DNER: variants seen among roughly 807,000 people sequenced by gnomAD.
DNER encodes the protein delta and Notch-like epidermal growth factor-related receptor.
In DNER, 33 loss-of-function variants were observed where a neutral mutation model predicts 78.2. The observed-to-expected ratio is 0.42, with a 90% CI of 0.32 to 0.56. The LOEUF is 0.56. DNER is among the 20% of genes least tolerant of loss of function. The probability of loss-of-function intolerance (pLI) is 0.11; values close to 1 mark genes in which losing one functional copy is unlikely to be tolerated. For synonymous variants in DNER, 417 were observed against 384.8 expected, an observed-to-expected ratio of 1.08 and a Z score of -0.98; for missense variants, 918 against 975.3, an observed-to-expected ratio of 0.94 and a Z score of 0.78.
At position 229,515,639 on chromosome 2, in the gene DNER, A is replaced by ATTT. The variant is rs1162899815; in HGVS notation, c.994-2706_994-2704dup. ...AATCAAATATCTTCAAGTTAGCTTT[A>ATTT]TTTTTTTATTTTTTTTTTTTTGAGA... On this transcript the variant is annotated intron_variant, in intron 5 of 12. Transcript: ENST00000341772. Among the ~76,000 whole-genome samples, 21 of 71,574 alleles carry ATTT rather than the reference A, an allele frequency of 2.9e-4. 1 individual carries two copies. Among genetic ancestry groups the ATTT allele is most frequent in the African/African-American group, 8.8e-4 (21 of 23,928 alleles). 47.0% of individuals were successfully genotyped at this position (71,574 alleles called of 152,430 possible). A position where few individuals can be genotyped will look rare whatever the true frequency, so the allele number is the denominator to read the frequency against.
At chr2:229,586,066 A>G (rs1281604147) in intron 3 of DNER, 42 bp from the exon 4 acceptor site, 3 of 1,566,396 alleles carry the variant, frequency 1.9e-6, no homozygotes, top group Non-Finnish European at 2.6e-6. Flanking sequence ...CCTTTCAGAA[A>G]AATTCATCTT....
At chr2:229,686,780 C>T (rs1052627831) in intron 1 of DNER, among the ~76,000 whole-genome samples, 4 of 152,180 alleles carry the variant, frequency 2.6e-5, no homozygotes, top group Admixed American at 2.6e-4. Context: ...TCCTTAAAAC[C>T]GTAAGCCAAA....
intron 10 of DNER, among the ~76,000 whole-genome samples, chr2:229,395,343 A>G (rs1693112294): frequency 6.6e-6 from 1 of 152,190 alleles, no homozygotes; most frequent in Non-Finnish European, 1.5e-5. Flanking sequence ...ATGCCCTACT[A>G]TGGGATAAAA....
At chr2:229,380,084 A>G (rs1692701199) in intron 11 of DNER, among the ~76,000 whole-genome samples, 1 of 152,156 alleles carries the variant, frequency 6.6e-6, no homozygotes, top group African/African-American at 2.4e-5. Context: ...GCTAAATCAT[A>G]TCCTCAGCCT....
rs537760450 is a variant in DNER at position 229,380,139 on chromosome 2, G to A, written c.1855+8126C>T. On this transcript the variant is annotated intron_variant, in intron 11 of 12. Transcript: ENST00000341772. ...TGACGTTGGAGAATGTGGTCAAGTT[G>A]GTCAAGTTGATGTCAGAGAATGTGG... Among the ~76,000 whole-genome samples, 61 of 152,250 alleles carry A rather than the reference G, an allele frequency of 4.0e-4. 1 individual carries two copies. In the South Asian group the frequency reaches 8.7e-3, roughly 22 times the overall value.
chr2:229,710,654 C>T (rs1168432552), intron 1 of DNER, among the ~76,000 whole-genome samples: 4 of 152,046 alleles, frequency 2.6e-5, no homozygotes, highest in African/African-American at 9.7e-5. Flanking sequence ...CTGAATTTCT[C>T]ATGATTTAAG....
chr2:229,477,167 T>G lies in DNER; in HGVS notation c.1234A>C (p.Ser412Arg). The G allele has an allele frequency of 6.2e-7, 1 of 1,614,012 alleles. No homozygotes were observed. The highest frequency in any genetic ancestry group is 8.5e-7 in the Non-Finnish European group (1 of 1,179,940). The change falls in exon 7 of 13, where the codon AGT (serine) becomes CGT (arginine). Residue 412 changes from serine (S) to arginine (R), a missense_variant. Physicochemically the swap from Ser to Arg is moderately radical, Grantham distance 110. Transcript: ENST00000341772. ...RNGATCISSLSGFTCQCPEGY... is the reference protein window; with the variant it reads ...RNGATCISSLRGFTCQCPEGY... ...TCTGGACACTGGCAGGTGAATCCAC[T>G]GAGACTGGAAATGCATGTTGCTCCA...
At chr2:229,634,163 G>A (rs1011231525) in intron 1 of DNER, among the ~76,000 whole-genome samples, 3 of 152,200 alleles carry the variant, frequency 2.0e-5, no homozygotes, top group Non-Finnish European at 4.4e-5. Context: ...GACCATGGTT[G>A]TAACTTTCGT....
intron 11 of DNER, among the ~76,000 whole-genome samples, chr2:229,380,544 G>C (rs57323922): frequency 6.6e-6 from 1 of 152,122 alleles, no homozygotes; most frequent in Non-Finnish European, 1.5e-5. Flanking sequence ...AGCTCTCTTC[G>C]GCTATGAAAG....
At chr2:229,361,129 T>C (rs1189598994) in intron 12 of DNER, among the ~76,000 whole-genome samples, 1 of 152,196 alleles carries the variant, frequency 6.6e-6, no homozygotes, top group East Asian at 1.9e-4. Context: ...AAAGACTTTG[T>C]TTGAATCTCC....
intron 8 of DNER, among the ~76,000 whole-genome samples, chr2:229,437,799 A>G (rs1371594058): frequency 6.6e-6 from 1 of 152,240 alleles, no homozygotes; most frequent in East Asian, 1.9e-4. Context: ...CTATAATGTC[A>G]CCAGAGCCAG....
intron 7 of DNER, among the ~76,000 whole-genome samples, chr2:229,473,873 G>A (rs1694979935): frequency 6.6e-6 from 1 of 152,170 alleles, no homozygotes; most frequent in Non-Finnish European, 1.5e-5. Flanking sequence ...CATGTCTGAT[G>A]TGAGAAACAT....
chr2:229,667,159 T>C (rs1699106141), intron 1 of DNER, among the ~76,000 whole-genome samples: 1 of 152,226 alleles, frequency 6.6e-6, no homozygotes, highest in African/African-American at 2.4e-5. Context: ...CATCCGCCTC[T>C]GTCCCATATG....
At chr2:229,486,441 C>A (rs1274671856) in intron 6 of DNER, among the ~76,000 whole-genome samples, 1 of 151,614 alleles carries the variant, frequency 6.6e-6, no homozygotes, top group Admixed American at 6.6e-5. Context: ...AAAAAAGTAA[C>A]CACATCTAAC....
intron 4 of DNER, among the ~76,000 whole-genome samples, chr2:229,551,716 G>A (rs573126099): frequency 3.3e-5 from 5 of 151,914 alleles, no homozygotes; most frequent in Admixed American, 6.6e-5. Context: ...GGCAGATCAC[G>A]AGGTCAGGAG....
chr2:229,472,044 T>C (rs1041972179), intron 7 of DNER, among the ~76,000 whole-genome samples: 9 of 152,212 alleles, frequency 5.9e-5, no homozygotes, highest in African/African-American at 2.2e-4. Flanking sequence ...AAATCCAACA[T>C]TGCATTCTAA....
At chr2:229,472,949 A>G (rs867978945) in intron 7 of DNER, among the ~76,000 whole-genome samples, 14 of 152,354 alleles carry the variant, frequency 9.2e-5, no homozygotes, top group African/African-American at 2.9e-4. Flanking sequence ...AGGTGACTGC[A>G]GCTGGCTCTC....
At chr2:229,423,411 T>A (rs1693807166) in intron 8 of DNER, among the ~76,000 whole-genome samples, 1 of 151,966 alleles carries the variant, frequency 6.6e-6, no homozygotes, top group African/African-American at 2.4e-5. Context: ...GGTCAGGAGT[T>A]CAAGACCAGC....
chr2:229,501,896 C>T (rs892223897), intron 6 of DNER, among the ~76,000 whole-genome samples: 2 of 152,136 alleles, frequency 1.3e-5, no homozygotes, highest in Non-Finnish European at 2.9e-5. Context: ...TCATAGTTGA[C>T]CAACAAGGAG....
Sources: gnomAD v4.1 joint callset for allele counts (sites outside exome capture counted in the v4.1 genomes callset) on GRCh38, gnomAD v4.1.1 for gene constraint, MANE v1.5 for transcripts, NCBI Gene and HGNC (gene_info 2026-07-23, HGNC 2026-07-21) for gene names.